Variants in RSRP1 observed in about 807,000 individuals in gnomAD.
RSRP1 encodes the protein arginine and serine rich protein 1, also known as arginine/serine-rich protein 1.
A neutral mutation model predicts 33.0 loss-of-function variants in RSRP1; 37 were observed. The observed-to-expected ratio is 1.12, with a 90% CI of 0.86 to 1.48. The LOEUF (loss-of-function observed/expected upper bound fraction) is 1.48, where lower values mean the gene tolerates loss of function less well. Ranked by LOEUF, RSRP1 falls within the 40% of genes most tolerant of loss-of-function variation. RSRP1 has a pLI of 0.00. For synonymous variants in RSRP1, 167 were observed against 158.7 expected, an observed-to-expected ratio of 1.05 and a Z score of -0.40; for missense variants, 402 against 385.3, an observed-to-expected ratio of 1.04 and a Z score of -0.36.
chr1:25,275,065 A>T (rs1640837033), intron 1 of RSRP1, among the ~76,000 whole-genome samples: 1 of 127,118 alleles, frequency 7.9e-6, no homozygotes, highest in East Asian at 2.0e-4. Context: ...CAAGGCAGGC[A>T]GATCACCTGA....
rs1265344310 is a variant in RSRP1, at chr1:25,311,598, G to C, written c.-67+26380C>G. ...GCCAGAGGCTGTTCATCAGGACAAG[G>C]GAGAAAAACTCCAAAGCCATTTCAG... On this transcript the variant is annotated intron_variant, in intron 1 of 1. Transcript: ENST00000561867. Among the ~76,000 whole-genome samples the C allele has an allele frequency of 3.1e-5, 4 of 130,098 alleles. 2 individuals are homozygous for C. Among genetic ancestry groups the C allele is most frequent in the Non-Finnish European group, 7.3e-5 (4 of 55,084 alleles). The allele number at this position is 130,098 out of a possible 152,430, so 85.3% of individuals were successfully genotyped here. A position where few individuals can be genotyped will look rare whatever the true frequency, so the allele number is the denominator to read the frequency against.
rs1643194618 is a variant in RSRP1 at position 25,299,259 on chromosome 1, G to C, written c.-67+38719C>G. On this transcript the variant is annotated intron_variant, in intron 1 of 1. Transcript: ENST00000561867. ...TAGCCGGGCACGGTGGTGGGTGCCT[G>C]TAATCCCAGCTACTTGGGAGGCTGA... Among the ~76,000 whole-genome samples the C allele has an allele frequency of 2.3e-5, 3 of 128,956 alleles. 1 individual carries two copies. The South Asian group carries it at 7.1e-4, about 30-fold the overall frequency. 84.6% of individuals were successfully genotyped at this position (128,956 alleles called of 152,430 possible).
At chr1:25,288,630 T>C (rs537758156) in intron 1 of RSRP1, among the ~76,000 whole-genome samples, 3 of 127,600 alleles carry the variant, frequency 2.4e-5, no homozygotes, top group Admixed American at 7.7e-5. Context: ...ACCTTATAAA[T>C]GGAGGCACCA....
intron 1 of RSRP1, among the ~76,000 whole-genome samples, chr1:25,297,284 C>T (rs1643035796): frequency 1.1e-5 from 1 of 93,880 alleles, no homozygotes; most frequent in East Asian, 2.1e-4. Flanking sequence ...CTCCAAGAGC[C>T]GTGTGTGCCC....
At chr1:25,286,241 T>G (rs1641979526) in intron 1 of RSRP1, among the ~76,000 whole-genome samples, 1 of 135,436 alleles carries the variant, frequency 7.4e-6, no homozygotes, top group African/African-American at 2.5e-5. Flanking sequence ...GTAATCCCAG[T>G]ACTTTTGGGA....
intron 1 of RSRP1, among the ~76,000 whole-genome samples, chr1:25,268,313 G>A (rs1640386879): frequency 7.6e-6 from 1 of 132,326 alleles, no homozygotes; most frequent in African/African-American, 2.6e-5. Context: ...GAGGTCAGGA[G>A]TTCGAGACCA....
chr1:25,297,449 T>C lies in RSRP1; in HGVS notation c.-67+40529A>G, dbSNP rs1004303666. Among the ~76,000 whole-genome samples, 4 of 109,464 alleles carry C rather than the reference T, an allele frequency of 3.7e-5. 1 individual carries two copies. The highest frequency in any genetic ancestry group is 8.6e-5 in the Non-Finnish European group (4 of 46,356). 71.8% of individuals were successfully genotyped at this position (109,464 alleles called of 152,430 possible). A position where few individuals can be genotyped will look rare whatever the true frequency, so the allele number is the denominator to read the frequency against. Reference sequence around the variant, plus strand: ...AATTAATAAACATCTTGTGAGGAGATAATTTCCTATAGAAATCCTGTTGAT... The same window carrying C: ...AATTAATAAACATCTTGTGAGGAGACAATTTCCTATAGAAATCCTGTTGAT... On this transcript the variant is annotated intron_variant, in intron 1 of 1. Transcript: ENST00000561867.
chr1:25,302,037 C>T (rs539527100), intron 1 of RSRP1, among the ~76,000 whole-genome samples: 2 of 130,646 alleles, frequency 1.5e-5, no homozygotes, highest in African/African-American at 2.6e-5. Context: ...CAGCCTCTCT[C>T]TTCCCCCCAA....
intron 1 of RSRP1, among the ~76,000 whole-genome samples, chr1:25,258,411 G>A (rs921937631): frequency 6.6e-6 from 1 of 151,984 alleles, no homozygotes; most frequent in Non-Finnish European, 1.5e-5. Flanking sequence ...AACTCCTGAC[G>A]CTGTGATCCA....
chr1:25,262,938 C>T (rs28576137), intron 1 of RSRP1, among the ~76,000 whole-genome samples: 8,178 of 151,812 alleles, frequency 0.054, 569 homozygotes, highest in African/African-American at 0.19. Context: ...AATGCCTTTC[C>T]AGTTCTCTAG....
intron 1 of RSRP1, among the ~76,000 whole-genome samples, chr1:25,333,874 C>T (rs1316735861): frequency 2.3e-5 from 3 of 130,408 alleles, no homozygotes; most frequent in African/African-American, 7.9e-5. Context: ...GAGAACAGCA[C>T]GGGTAAGACC....
chr1:25,286,294 GC>G (rs1473859868), intron 1 of RSRP1, among the ~76,000 whole-genome samples: 1 of 135,464 alleles, frequency 7.4e-6, no homozygotes, highest in African/African-American at 2.5e-5. Context: ...TTTAAGACCA[GC>G]CTGACTAACA....
rs1266554161 is a variant in RSRP1, at chr1:25,322,138, G to A, written c.-67+15840C>T. Among the ~76,000 whole-genome samples, 3 of 131,486 alleles carry A rather than the reference G, an allele frequency of 2.3e-5. 1 individual carries two copies. Among genetic ancestry groups the A allele is most frequent in the African/African-American group, 2.6e-5 (1 of 38,636 alleles). 86.3% of individuals were successfully genotyped at this position (131,486 alleles called of 152,430 possible). ...CCATGATATGCATGTGTGTGGGGGA[G>A]GGTGGCGGGGAGGTGGTAAAGGTCA... On this transcript the variant is annotated intron_variant, in intron 1 of 1. Transcript: ENST00000561867.
chr1:25,334,399 G>T (rs1477023600), intron 1 of RSRP1, among the ~76,000 whole-genome samples: 3 of 132,248 alleles, frequency 2.3e-5, no homozygotes, highest in African/African-American at 7.8e-5. Context: ...TACCTTTGCA[G>T]GGTACAGCCT....
At chr1:25,296,928 A>G (rs1643006504) in intron 1 of RSRP1, among the ~76,000 whole-genome samples, 1 of 130,714 alleles carries the variant, frequency 7.7e-6, no homozygotes, top group Non-Finnish European at 1.8e-5. Flanking sequence ...ACAGACTAAC[A>G]CAATTTCCTA....
intron 1 of RSRP1, among the ~76,000 whole-genome samples, chr1:25,297,066 A>C (rs1643016186): frequency 7.7e-6 from 1 of 129,510 alleles, no homozygotes. Context: ...CTAGAAAAAA[A>C]TATATATTTT....
At chr1:25,268,302 T>C (rs1206825106) in intron 1 of RSRP1, among the ~76,000 whole-genome samples, 2 of 131,982 alleles carry the variant, frequency 1.5e-5, no homozygotes, top group Non-Finnish European at 3.6e-5. Flanking sequence ...GCAAGTCACC[T>C]GAGGTCAGGA....
rs1471809796 is a variant in RSRP1, at chr1:25,245,231, C to A, written c.591G>T (p.Leu197Phe). The A allele has an allele frequency of 6.2e-7, 1 of 1,613,962 alleles. No homozygotes were observed. Among genetic ancestry groups the A allele is most frequent in the Non-Finnish European group, 8.5e-7 (1 of 1,180,016 alleles). The change falls in exon 3 of 5, where the codon TTG becomes TTT. Residue 197 changes from leucine (L) to phenylalanine (F), a missense_variant. Transcript: ENST00000243189. ...AAGGAACAGTTCTGAGACTAGCTGG[C>A]AAGTCAATGTTGGTTGTTCCTAGAG... Reference protein sequence around the residue: ...AKALGTTNIDLPASLRTVPSA... With the variant: ...AKALGTTNIDFPASLRTVPSA...
chr1:25,319,439 C>A (rs1299085408), intron 1 of RSRP1, among the ~76,000 whole-genome samples: 1 of 131,256 alleles, frequency 7.6e-6, no homozygotes, highest in Non-Finnish European at 1.8e-5. Flanking sequence ...AGTGAGACCC[C>A]ATCTCTACAA....
Sources: allele counts gnomAD v4.1 joint callset (sites outside exome capture counted in the v4.1 genomes callset), GRCh38; gene constraint gnomAD v4.1.1; transcripts MANE v1.5; gene names NCBI Gene and HGNC (gene_info 2026-07-23, HGNC 2026-07-21).